Variants in SLC18B1 observed in about 807,000 individuals in gnomAD.
SLC18B1 encodes solute carrier family 18 member B1.
In SLC18B1, 62 loss-of-function variants were observed where a neutral mutation model predicts 53.9. The ratio of observed to expected loss-of-function variants is 1.15; its 90% CI spans 0.94 to 1.42. The LOEUF is 1.42. Among genes scored for constraint, SLC18B1 ranks in the 40% most tolerant of loss-of-function variants. The pLI, the probability that SLC18B1 is intolerant of heterozygous loss-of-function variation, is 0.00. For missense variants in SLC18B1, 598 were observed against 547.3 expected, an observed-to-expected ratio of 1.09 and a Z score of -0.93; for synonymous variants, 217 against 200.9, an observed-to-expected ratio of 1.08 and a Z score of -0.68.
At position 132,787,680 on chromosome 6, in the gene SLC18B1, T is replaced by C. The variant is rs529988560; in HGVS notation, c.354-99A>G. ...ACTAAAAAGAATAGTACCTCACTCA[T>C]GGTTTTTAGAATAAACCGCTTTAGA... On this transcript the variant is annotated intron_variant, in intron 4 of 13. Coordinates refer to ENST00000275227, the MANE Select transcript of SLC18B1 (RefSeq NM_052831.3). The C allele has an allele frequency of 1.9e-5, 21 of 1,084,264 alleles. No individual in the cohort carries two copies. In the East Asian group the frequency reaches 5.4e-4, roughly 28 times the overall value. 67.2% of individuals were successfully genotyped at this position (1,084,264 alleles called of 1,614,324 possible).
In SLC18B1 at chr6:132,784,094, A is replaced by G. The variant is rs1781309366; in HGVS notation, c.502-5T>C. 2 of 1,546,620 alleles carry G rather than the reference A, an allele frequency of 1.3e-6. No homozygotes were observed. Among genetic ancestry groups the G allele is most frequent in the African/African-American group, 2.8e-5 (2 of 71,182 alleles). On this transcript the variant is annotated splice_polypyrimidine_tract_variant and splice_region_variant and intron_variant, in intron 5 of 13. Coordinates refer to ENST00000275227, the MANE Select transcript of SLC18B1 (RefSeq NM_052831.3). ...AGAAAAAGTCTCAAGACTTCCCTTA[A>G]AATGAGAAAAAGAAAAAATCAGTTT...
In SLC18B1 at chr6:132,797,042, A is replaced by G; in HGVS notation, c.123T>C (p.Ala41=). Residue 41 remains alanine, a synonymous_variant, in exon 2 of 14, where the codon GCT becomes GCC. Coordinates refer to ENST00000275227, the MANE Select transcript of SLC18B1 (RefSeq NM_052831.3). ...ACATCATGGAACCTAAGTTCACCGA[A>G]GCTGCCGATATCAGTACAAAAACCT... ...REQVFVLISA[A]SVNLGSMMCY... 1 of 1,614,194 alleles carries G rather than the reference A, an allele frequency of 6.2e-7. No individual in the cohort carries two copies. The highest frequency in any genetic ancestry group is 8.5e-7 in the Non-Finnish European group (1 of 1,180,014).
chr6:132,781,522 G>A (rs1453105908), intron 6 of SLC18B1, among the ~76,000 whole-genome samples: 1 of 152,132 alleles, frequency 6.6e-6, no homozygotes, highest in African/African-American at 2.4e-5. Flanking sequence ...ACTCTGGGGG[G>A]CCAAAATGGG....
intron 7 of SLC18B1, among the ~76,000 whole-genome samples, chr6:132,777,679 A>G (rs1781132919): frequency 6.6e-6 from 1 of 152,228 alleles, no homozygotes; most frequent in African/African-American, 2.4e-5. Flanking sequence ...GTGCCATTGC[A>G]CTCCAGCCTG....
rs1245429511 is a variant in SLC18B1 at position 132,798,474 on chromosome 6, C to T, written c.-18G>A. The T allele has an allele frequency of 6.7e-6, 10 of 1,498,058 alleles. No individual in the cohort carries two copies. The highest frequency in any genetic ancestry group is 1.8e-4 in the Middle Eastern group (1 of 5,642). 92.8% of individuals were successfully genotyped at this position (1,498,058 alleles called of 1,614,324 possible). A position where few individuals can be genotyped will look rare whatever the true frequency, so the allele number is the denominator to read the frequency against. On this transcript the variant is annotated 5_prime_UTR_variant, in exon 1 of 14. Transcript: ENST00000275227. ...GCCTCCATCCCCGGTGCGTGGACTC[C>T]GGCGCCCCAGCTCCCGGCTTCAAGC...
chr6:132,776,545 C>A, intron 7 of SLC18B1, 116 bp from the exon 8 acceptor site: 1 of 695,002 alleles, frequency 1.4e-6, no homozygotes, highest in East Asian at 2.9e-5. Context: ...TAATAATATT[C>A]TGCATTTTCC....
In SLC18B1 at chr6:132,779,343, T is replaced by G. The variant is rs915310294; in HGVS notation, c.720A>C (p.Ile240=). Reference sequence around the variant, plus strand: ...AGCTGAGTGAGTTGATGACGAAGGCTATAAGGCCAACTTTGGGTAAAGCGA... The same window carrying G: ...AGCTGAGTGAGTTGATGACGAAGGCGATAAGGCCAACTTTGGGTAAAGCGA... The part of the protein sequence containing the change: ...KLIALPKVGL[I]AFVINSLSSC... Residue 240 remains isoleucine, a synonymous_variant, in exon 7 of 14, where the codon ATA becomes ATC. Coordinates refer to ENST00000275227, the MANE Select transcript of SLC18B1 (RefSeq NM_052831.3). The G allele has an allele frequency of 6.2e-7, 1 of 1,613,722 alleles. No individual in the cohort carries two copies. The highest frequency in any genetic ancestry group is 8.5e-7 in the Non-Finnish European group (1 of 1,179,942).
intron 1 of SLC18B1, among the ~76,000 whole-genome samples, chr6:132,797,920 A>T (rs930088908): frequency 6.6e-6 from 1 of 152,238 alleles, no homozygotes; most frequent in Admixed American, 6.5e-5. Context: ...CCATTTATAA[A>T]TTAAATTGTT....
intron 4 of SLC18B1, among the ~76,000 whole-genome samples, chr6:132,789,032 A>G (rs1456200517): frequency 6.6e-6 from 1 of 152,106 alleles, no homozygotes; most frequent in Non-Finnish European, 1.5e-5. Context: ...ACTTCATTAT[A>G]ATCTTACTAT....
At chr6:132,775,461 G>A (rs1451551839) in intron 8 of SLC18B1, among the ~76,000 whole-genome samples, 1 of 152,138 alleles carries the variant, frequency 6.6e-6, no homozygotes, top group Non-Finnish European at 1.5e-5. Flanking sequence ...TGAAAACCAA[G>A]CTCCAAACAC....
intron 6 of SLC18B1, among the ~76,000 whole-genome samples, chr6:132,782,315 A>G (rs1781259565): frequency 6.6e-6 from 1 of 152,204 alleles, no homozygotes; most frequent in Non-Finnish European, 1.5e-5. Flanking sequence ...TATGGTATAA[A>G]ACATTATATT....
chr6:132,783,923 G>A lies in SLC18B1; in HGVS notation c.658+10C>T, dbSNP rs765524037. On this transcript the variant is annotated intron_variant, in intron 6 of 13. Coordinates refer to ENST00000275227, the MANE Select transcript of SLC18B1 (RefSeq NM_052831.3). ...AAGGTTCTTAAAATGAGTAATAAGT[G>A]TGGACTTACCGTAATTGGGTAAAAT... 1.9e-6 allele frequency: 3 copies of A among 1,578,386 alleles called. No homozygotes were observed. The highest frequency in any genetic ancestry group is 2.6e-6 in the Non-Finnish European group (3 of 1,165,482).
chr6:132,795,768 T>C (rs1455065368), intron 2 of SLC18B1, among the ~76,000 whole-genome samples: 2 of 152,260 alleles, frequency 1.3e-5, no homozygotes, highest in East Asian at 3.8e-4. Flanking sequence ...CTAGGGATTA[T>C]TATCTTTGAA....
At chr6:132,788,183 A>G (rs902651335) in intron 4 of SLC18B1, among the ~76,000 whole-genome samples, 5 of 151,704 alleles carry the variant, frequency 3.3e-5, no homozygotes, top group African/African-American at 7.3e-5. Context: ...AAGAAAAAAA[A>G]AAAAAGAAAA....
In SLC18B1 at chr6:132,788,963, C is replaced by T. The variant is rs570823786; in HGVS notation, c.353+801G>A. Among the ~76,000 whole-genome samples the T allele has an allele frequency of 1.7e-4, 24 of 142,058 alleles. 1 individual carries two copies. Among genetic ancestry groups the T allele is most frequent in the Admixed American group, 1.3e-3 (19 of 14,282 alleles). 93.2% of individuals were successfully genotyped at this position (142,058 alleles called of 152,430 possible). A position where few individuals can be genotyped will look rare whatever the true frequency, so the allele number is the denominator to read the frequency against. ...AAAAGGAATAAAGAAAGAAAATAAA[C>T]GACCCTTCCAAAAAAATTTTAACCC... On this transcript the variant is annotated intron_variant, in intron 4 of 13. Coordinates refer to ENST00000275227, the MANE Select transcript of SLC18B1 (RefSeq NM_052831.3).
chr6:132,792,343 G>A (rs571159400), intron 2 of SLC18B1, among the ~76,000 whole-genome samples: 1 of 100,564 alleles, frequency 9.9e-6, no homozygotes, highest in African/African-American at 6.8e-5. Flanking sequence ...AAGGAAGGAA[G>A]GAAGGAAGGA....
chr6:132,778,456 T>A (rs760352300), intron 7 of SLC18B1, among the ~76,000 whole-genome samples: 7 of 152,088 alleles, frequency 4.6e-5, no homozygotes, highest in Non-Finnish European at 1.0e-4. Flanking sequence ...TGTAAAATTA[T>A]AAGAAAAAAT....
At chr6:132,781,107 T>C (rs142456667) in intron 6 of SLC18B1, among the ~76,000 whole-genome samples, 1 of 152,206 alleles carries the variant, frequency 6.6e-6, no homozygotes, top group African/African-American at 2.4e-5. Context: ...ATTGGTTACA[T>C]TTATTGTGAA....
chr6:132,780,625 G>A (rs1462391486), intron 6 of SLC18B1, among the ~76,000 whole-genome samples: 5 of 132,108 alleles, frequency 3.8e-5, no homozygotes, highest in Admixed American at 8.5e-5. Context: ...GCAGTGGTGC[G>A]ATCTCAGCTC....
Sources: gnomAD v4.1 joint callset for allele counts (sites outside exome capture counted in the v4.1 genomes callset) on GRCh38, gnomAD v4.1.1 for gene constraint, MANE v1.5 for transcripts, NCBI Gene and HGNC (gene_info 2026-07-23, HGNC 2026-07-21) for gene names.